The following ARK2C variants were observed in gnomAD, a reference collection of about 807,000 sequenced individuals.
ARK2C encodes the protein arkadia (RNF111) C-terminal like ring finger ubiquitin ligase 2C, also known as E3 ubiquitin-protein ligase ARK2C.
chr18:46,374,407 A>G, the ARK2C span, among the ~76,000 whole-genome samples: 1 of 152,072 alleles, frequency 6.6e-6, no homozygotes, highest in Non-Finnish European at 1.5e-5. Flanking sequence ...CCCATTAAAC[A>G]CGAACTCCCC....
At chr18:46,421,558 T>C in the ARK2C span, among the ~76,000 whole-genome samples, 2 of 152,218 alleles carry the variant, frequency 1.3e-5, no homozygotes, top group Non-Finnish European at 2.9e-5. Context: ...CCATACACTT[T>C]GTTGGTTTAG....
At chr18:46,376,197 C>T in the ARK2C span, among the ~76,000 whole-genome samples, 5 of 152,216 alleles carry the variant, frequency 3.3e-5, no homozygotes, top group South Asian at 2.1e-4. Flanking sequence ...GGTCACCTGC[C>T]CTTCCTGTTC....
the ARK2C span, among the ~76,000 whole-genome samples, chr18:46,391,241 A>G: frequency 6.6e-6 from 1 of 152,174 alleles, no homozygotes; most frequent in Admixed American, 6.5e-5. Context: ...CTTAGTCTTG[A>G]GGTGGGAGGC....
the ARK2C span, among the ~76,000 whole-genome samples, chr18:46,398,543 G>C: frequency 6.6e-6 from 1 of 152,038 alleles, no homozygotes; most frequent in Non-Finnish European, 1.5e-5. Context: ...ATATCAGAGA[G>C]TGTGGCCGGG....
chr18:46,334,179 C>T, the ARK2C span: 1 of 791,488 alleles, frequency 1.3e-6, no homozygotes, highest in Non-Finnish European at 1.5e-6. This position sits in a 1 kb window ranked among gnomAD's most constrained non-coding sequence, Gnocchi z 4.4. Context: ...CCCGGCGGCT[C>T]CCGCAGCCCC....
At chr18:46,450,408 G>C in the ARK2C span, 1 of 1,587,960 alleles carries the variant, frequency 6.3e-7, no homozygotes. Flanking sequence ...GAGGTATGTT[G>C]CTCTGTCTGG....
At chr18:46,460,910 C>A in the ARK2C span, 19,278 of 152,434 alleles carry the variant, frequency 0.13, 1,906 homozygotes, top group African/African-American at 0.28. Context: ...GGCACCCCCC[C>A]GCCCCCACCA....
chr18:46,424,592 CT>C, the ARK2C span, among the ~76,000 whole-genome samples: 4 of 152,220 alleles, frequency 2.6e-5, no homozygotes, highest in African/African-American at 9.6e-5. Context: ...ACACAAACAT[CT>C]TCCTGGCGCT....
At chr18:46,407,976 G>A in the ARK2C span, among the ~76,000 whole-genome samples, 2 of 152,212 alleles carry the variant, frequency 1.3e-5, no homozygotes, top group African/African-American at 2.4e-5. Flanking sequence ...CCTGGGGGAG[G>A]TGGCATAGCA....
At chr18:46,383,024 C>T in the ARK2C span, among the ~76,000 whole-genome samples, 87 of 152,402 alleles carry the variant, frequency 5.7e-4, no homozygotes, top group African/African-American at 2.0e-3. Context: ...CACCCCCTAG[C>T]CTGCTGGGCC....
At chr18:46,460,794 C>A in the ARK2C span, 2 of 152,610 alleles carry the variant, frequency 1.3e-5, no homozygotes, top group Admixed American at 6.5e-5. Flanking sequence ...ATTCTGTATG[C>A]TGTGATCTAG....
chr18:46,375,665 T>G, the ARK2C span, among the ~76,000 whole-genome samples: 1 of 152,228 alleles, frequency 6.6e-6, no homozygotes, highest in Non-Finnish European at 1.5e-5. Context: ...TGCCACATCC[T>G]GGGTTTATGC....
At chr18:46,408,236 A>T in the ARK2C span, among the ~76,000 whole-genome samples, 1 of 152,208 alleles carries the variant, frequency 6.6e-6, no homozygotes, top group African/African-American at 2.4e-5. Flanking sequence ...ATTCAGGGGA[A>T]GGTCCGCAGA....
At chr18:46,392,880 T>C in the ARK2C span, among the ~76,000 whole-genome samples, 1 of 152,080 alleles carries the variant, frequency 6.6e-6, no homozygotes, top group Non-Finnish European at 1.5e-5. Flanking sequence ...CTCCTGGTCT[T>C]TGGGGAGTGA....
At chr18:46,376,352 G>T in the ARK2C span, among the ~76,000 whole-genome samples, 1 of 152,244 alleles carries the variant, frequency 6.6e-6, no homozygotes, top group Non-Finnish European at 1.5e-5. Flanking sequence ...TGTGGTTAAG[G>T]AGCATGGCCA....
At chr18:46,410,102 G>A in the ARK2C span, among the ~76,000 whole-genome samples, 44 of 152,246 alleles carry the variant, frequency 2.9e-4, no homozygotes, top group Admixed American at 1.5e-3. Context: ...AGTAGTGGGT[G>A]GGAGGTCTTG....
At chr18:46,360,332 G>T in the ARK2C span, among the ~76,000 whole-genome samples, 1 of 152,204 alleles carries the variant, frequency 6.6e-6, no homozygotes, top group African/African-American at 2.4e-5. Context: ...AACACAGAGG[G>T]TGCTCCCCTG....
the ARK2C span, among the ~76,000 whole-genome samples, chr18:46,376,814 G>A: frequency 6.6e-6 from 1 of 151,976 alleles, no homozygotes; most frequent in African/African-American, 2.4e-5. Flanking sequence ...GGGACTACAG[G>A]CACGCACCAC....
chr18:46,416,360 A>ATCCT, the ARK2C span, among the ~76,000 whole-genome samples: 1 of 152,184 alleles, frequency 6.6e-6, no homozygotes, highest in Non-Finnish European at 1.5e-5. Context: ...GTCATCATCC[A>ATCCT]TCCTTCCCTC....
Sources: allele counts gnomAD v4.1 joint callset (sites outside exome capture counted in the v4.1 genomes callset), GRCh38; gene constraint gnomAD v4.1.1; non-coding constraint Gnocchi (gnomAD v3.1); transcripts MANE v1.5; gene names NCBI Gene and HGNC (gene_info 2026-07-23, HGNC 2026-07-21).